The following PYGO1 variants were observed in gnomAD, a reference collection of about 807,000 sequenced individuals.
PYGO1 encodes the protein pygopus homolog 1.
Under a neutral mutation model 29.5 loss-of-function variants are expected in PYGO1, and 6 were observed. That is an observed-to-expected ratio of 0.20 (90% CI 0.11 to 0.40). PYGO1 has a LOEUF of 0.40. PYGO1 is among the 10% of genes least tolerant of loss of function. The pLI is 1.00. For synonymous variants in PYGO1, 186 were observed against 180.5 expected (o/e 1.03, Z -0.24); for missense variants, 515 against 514.9 (o/e 1.00, Z 0.00).
chr15:55,563,783 A>G (rs1478391520), intron 1 of PYGO1, among the ~76,000 whole-genome samples: 1 of 152,210 alleles, frequency 6.6e-6, no homozygotes, highest in Non-Finnish European at 1.5e-5. Flanking sequence ...CTCCAAATAA[A>G]ATACACAAAT....
At chr15:55,568,315 A>G (rs2058965498) in intron 1 of PYGO1, among the ~76,000 whole-genome samples, 1 of 97,314 alleles carries the variant, frequency 1.0e-5, no homozygotes, top group African/African-American at 5.5e-5. Flanking sequence ...CGTATTTCCT[A>G]GGTACTGTGT....
intron 1 of PYGO1, among the ~76,000 whole-genome samples, chr15:55,556,412 C>T (rs1359674675): frequency 1.3e-5 from 2 of 152,000 alleles, no homozygotes; most frequent in Non-Finnish European, 1.5e-5. Context: ...CGGGTAAATA[C>T]TGAAATTAAC....
chr15:55,569,298 T>C (rs2058970677), intron 1 of PYGO1, among the ~76,000 whole-genome samples: 1 of 152,176 alleles, frequency 6.6e-6, no homozygotes, highest in Admixed American at 6.5e-5. Context: ...TCAGCTCTGA[T>C]TTAGTTATTT....
At chr15:55,559,601 C>T (rs1005884170) in intron 1 of PYGO1, among the ~76,000 whole-genome samples, 10 of 152,276 alleles carry the variant, frequency 6.6e-5, no homozygotes, top group Non-Finnish European at 1.3e-4. Flanking sequence ...CAATGATAGA[C>T]TGGATTAAGA....
At chr15:55,561,794 T>C (rs564685082) in intron 1 of PYGO1, among the ~76,000 whole-genome samples, 30 of 152,216 alleles carry the variant, frequency 2.0e-4, no homozygotes, top group African/African-American at 7.2e-4. Context: ...GATTTAGGCA[T>C]GGGGAAAGAT....
intron 1 of PYGO1, among the ~76,000 whole-genome samples, chr15:55,583,518 T>C (rs1027021500): frequency 6.6e-6 from 1 of 152,194 alleles, no homozygotes; most frequent in Non-Finnish European, 1.5e-5. Context: ...TTGTTTGTTT[T>C]TGTTTTCTTT....
intron 1 of PYGO1, among the ~76,000 whole-genome samples, chr15:55,580,684 C>CA (rs1229031436): frequency 6.6e-6 from 1 of 152,210 alleles, no homozygotes. Context: ...GTCAGGCTCA[C>CA]AGTTACAATG....
intron 1 of PYGO1, among the ~76,000 whole-genome samples, chr15:55,563,604 C>A (rs1233166372): frequency 2.0e-5 from 3 of 152,136 alleles, no homozygotes; most frequent in Non-Finnish European, 2.9e-5. Context: ...CCTGCCTCGG[C>A]CTCCCAAAGT....
At chr15:55,588,530 G>A (rs1380593639), upstream of PYGO1, among the ~76,000 whole-genome samples, 2 of 147,054 alleles carry the variant, frequency 1.4e-5, no homozygotes, top group African/African-American at 4.9e-5. Flanking sequence ...GCTCCGCCTC[G>A]GCCCAGCCCC....
At chr15:55,559,333 G>C (rs534806622) in intron 1 of PYGO1, among the ~76,000 whole-genome samples, 3 of 152,104 alleles carry the variant, frequency 2.0e-5, no homozygotes, top group Non-Finnish European at 4.4e-5. Context: ...GGAAACAACA[G>C]GTGCTGGAGA....
At chr15:55,584,275 G>A (rs1426189221) in intron 1 of PYGO1, among the ~76,000 whole-genome samples, 4 of 151,814 alleles carry the variant, frequency 2.6e-5, no homozygotes, top group African/African-American at 7.3e-5. Context: ...ATGCCACCAC[G>A]CCCAGCTAAT....
chr15:55,566,183 A>G (rs1321199140), intron 1 of PYGO1, among the ~76,000 whole-genome samples: 1 of 152,072 alleles, frequency 6.6e-6, no homozygotes, highest in Non-Finnish European at 1.5e-5. Flanking sequence ...TGATCCTGTC[A>G]CCCAGGTGCT....
At chr15:55,564,837 G>C (rs1303017735) in intron 1 of PYGO1, among the ~76,000 whole-genome samples, 1 of 152,174 alleles carries the variant, frequency 6.6e-6, no homozygotes, top group East Asian at 1.9e-4. Flanking sequence ...GGTATCAGTA[G>C]GGTGAGTTCT....
rs768402668 is a variant in PYGO1, at chr15:55,547,155, G to A, written c.136-8C>T. 4.5e-6 allele frequency: 7 copies of A among 1,572,022 alleles called. No individual in the cohort carries two copies. The African/African-American group carries it at 5.4e-5, about 12-fold the overall frequency. On this transcript the variant is annotated splice_region_variant and splice_polypyrimidine_tract_variant and intron_variant, in intron 2 of 2. Transcript: ENST00000563719. Reference sequence around the variant, plus strand: ...TGGAGGGAAAGAAGGTCCCTGAAATGAGAATGTAAAGTAAAATACATGTTT... The same window carrying A: ...TGGAGGGAAAGAAGGTCCCTGAAATAAGAATGTAAAGTAAAATACATGTTT...
At position 55,548,984 on chromosome 15, in the gene PYGO1, C is replaced by G; in HGVS notation, c.61G>C (p.Gly21Arg). The G allele has an allele frequency of 6.2e-7, 1 of 1,601,552 alleles. No homozygotes were observed. The highest frequency in any genetic ancestry group is 2.2e-5 in the East Asian group (1 of 44,630). ...CCTGGTCCTCCTAACCCATCCAGTC[C>G]ACTATCACCACCTAAAAAAAAAAAA... ...SLKRVRGGDS[G>R]LDGLGGPGVQ... is the part of the protein sequence containing the mutation. The change falls in exon 2 of 3, where the codon GGA becomes CGA. Residue 21 changes from glycine (G) to arginine (R), a missense_variant. Physicochemically the swap from Gly to Arg is moderately radical, Grantham distance 125. Transcript: ENST00000563719.
intron 1 of PYGO1, among the ~76,000 whole-genome samples, chr15:55,558,061 C>T (rs1023478245): frequency 6.6e-6 from 1 of 152,068 alleles, no homozygotes; most frequent in African/African-American, 2.4e-5. Context: ...TCAAATTGTC[C>T]CTGTTTGCAG....
chr15:55,549,149 T>C (rs569702159), intron 1 of PYGO1, among the ~76,000 whole-genome samples, 154 bp from the exon 2 acceptor site: 2 of 152,280 alleles, frequency 1.3e-5, no homozygotes, highest in East Asian at 3.9e-4. Flanking sequence ...CAAAAAAGTC[T>C]TTCCCATAGT....
At chr15:55,552,655 AC>A (rs1158480210) in intron 1 of PYGO1, among the ~76,000 whole-genome samples, 1 of 152,074 alleles carries the variant, frequency 6.6e-6, no homozygotes, top group Non-Finnish European at 1.5e-5. Context: ...GATCTTTGCA[AC>A]CCACAGATCA....
At chr15:55,576,455 CAAAAAAAAAAAAAAAAAA>C in intron 1 of PYGO1, among the ~76,000 whole-genome samples, 1 of 46,408 alleles carries the variant, frequency 2.2e-5, no homozygotes, top group East Asian at 1.8e-3. Flanking sequence ...GACTCCGTCT[CAAAAAAAAAAAAAAAAAA>C]AAAAAAAAAG....
Sources: gnomAD v4.1 joint callset for allele counts (sites outside exome capture counted in the v4.1 genomes callset) on GRCh38, gnomAD v4.1.1 for gene constraint, MANE v1.5 for transcripts, NCBI Gene and HGNC (gene_info 2026-07-23, HGNC 2026-07-21) for gene names.